SH3RF3: variants seen among roughly 807,000 people sequenced by gnomAD.
SH3RF3 encodes E3 ubiquitin-protein ligase SH3RF3.
SH3RF3 carries 29 observed loss-of-function variants against 66.3 expected under a neutral mutation model. The ratio of observed to expected loss-of-function variants is 0.44; its 90% CI spans 0.33 to 0.60. The LOEUF (loss-of-function observed/expected upper bound fraction) is 0.60. Ranked by LOEUF, SH3RF3 falls within the 20% of genes least tolerant of loss-of-function variation. The pLI, the probability that SH3RF3 is intolerant of heterozygous loss-of-function variation, is 0.04. For synonymous variants in SH3RF3, 583 were observed against 532.0 expected (o/e 1.10, Z -1.32); for missense variants, 1,194 against 1,190.9 (o/e 1.00, Z -0.04).
At chr2:109,366,309 A>G (rs1254367721) in intron 2 of SH3RF3, among the ~76,000 whole-genome samples, 1 of 152,206 alleles carries the variant, frequency 6.6e-6, no homozygotes, top group Admixed American at 6.5e-5. Context: ...CACTAAGTAA[A>G]TTACAGTAAA....
chr2:109,190,082 T>A (rs572618859), intron 1 of SH3RF3, among the ~76,000 whole-genome samples: 6 of 152,358 alleles, frequency 3.9e-5, no homozygotes, highest in African/African-American at 1.4e-4. Flanking sequence ...GCTTTAAACT[T>A]TTCCCGTGAT....
chr2:109,147,581 A>G (rs930374882), intron 1 of SH3RF3, among the ~76,000 whole-genome samples: 2 of 152,230 alleles, frequency 1.3e-5, no homozygotes, highest in African/African-American at 2.4e-5. Flanking sequence ...GGCCTAGTCA[A>G]TTATTCAGGA....
intron 2 of SH3RF3, among the ~76,000 whole-genome samples, chr2:109,352,575 C>G (rs1221026477): frequency 6.6e-6 from 1 of 152,230 alleles, no homozygotes; most frequent in African/African-American, 2.4e-5. Flanking sequence ...CTTTTTGTAT[C>G]ATGAGATAAG....
chr2:109,148,303 C>T (rs1198298592), intron 1 of SH3RF3, among the ~76,000 whole-genome samples: 7 of 152,228 alleles, frequency 4.6e-5, no homozygotes, highest in Admixed American at 3.3e-4. Flanking sequence ...GGGAATCCAC[C>T]GGGACGGTGT....
intron 5 of SH3RF3, among the ~76,000 whole-genome samples, chr2:109,421,040 A>G (rs1676863121): frequency 1.3e-5 from 2 of 152,132 alleles, no homozygotes; most frequent in African/African-American, 4.8e-5. Context: ...AAAAGATACT[A>G]CCTCCATCTC....
intron 2 of SH3RF3, among the ~76,000 whole-genome samples, chr2:109,365,051 A>AACAAACAAAC (rs1553511992): frequency 6.6e-6 from 1 of 151,484 alleles, no homozygotes; most frequent in South Asian, 2.1e-4. Context: ...ACACACATAT[A>AACAAACAAAC]AAACAAACAA....
chr2:109,204,539 A>T (rs922945681), intron 1 of SH3RF3, among the ~76,000 whole-genome samples: 1 of 152,138 alleles, frequency 6.6e-6, no homozygotes, highest in Non-Finnish European at 1.5e-5. Context: ...TTTGTGTGCA[A>T]TGTACAATGT....
chr2:109,345,164 C>T (rs983121111), intron 1 of SH3RF3, among the ~76,000 whole-genome samples: 15 of 152,198 alleles, frequency 9.9e-5, no homozygotes, highest in Non-Finnish European at 2.2e-4. Context: ...CTCAGTCTCT[C>T]TGGCTCTGCA....
intron 3 of SH3RF3, among the ~76,000 whole-genome samples, chr2:109,391,356 G>T (rs1358874452): frequency 6.6e-6 from 1 of 152,238 alleles, no homozygotes; most frequent in Non-Finnish European, 1.5e-5. Context: ...AAGAGGACAG[G>T]ATGGGAAAGG....
chr2:109,446,943 G>A (rs1054775648), intron 7 of SH3RF3, among the ~76,000 whole-genome samples: 3 of 152,008 alleles, frequency 2.0e-5, no homozygotes, highest in Non-Finnish European at 2.9e-5. Flanking sequence ...ACCCTGGACC[G>A]AGAGAAGGGG....
At chr2:109,320,007 G>A (rs2105455709) in intron 1 of SH3RF3, among the ~76,000 whole-genome samples, 1 of 152,302 alleles carries the variant, frequency 6.6e-6, no homozygotes, top group South Asian at 2.1e-4. Context: ...CTATTCTGGA[G>A]GTTCCCAGCT....
At chr2:109,269,577 T>TG (rs779151570) in intron 1 of SH3RF3, among the ~76,000 whole-genome samples, 1 of 152,162 alleles carries the variant, frequency 6.6e-6, no homozygotes, top group Non-Finnish European at 1.5e-5. Flanking sequence ...GCCCAAGAGT[T>TG]GGAGACTAGC....
Position 109,308,904 on chromosome 2 carries a change from C to T in SH3RF3, c.574-38770C>T, listed in dbSNP as rs1202509314. Among the ~76,000 whole-genome samples the T allele has an allele frequency of 7.6e-5, 6 of 79,356 alleles. 2 individuals carry two copies. Among genetic ancestry groups the T allele is most frequent in the South Asian group, 7.3e-4 (2 of 2,746 alleles). The allele number at this position is 79,356 out of a possible 152,430, so 52.1% of individuals were successfully genotyped here. A position where few individuals can be genotyped will look rare whatever the true frequency, so the allele number is the denominator to read the frequency against. On this transcript the variant is annotated intron_variant, in intron 1 of 9. Coordinates refer to ENST00000309415, the MANE Select transcript of SH3RF3 (RefSeq NM_001099289.3). ...TTGGCTTAGGATTGACTTGGTGATG[C>T]GGGCCCTTTTTTGGTTCCATGTGAA...
chr2:109,131,233 A>G (rs1676685585), intron 1 of SH3RF3, among the ~76,000 whole-genome samples: 1 of 152,138 alleles, frequency 6.6e-6, no homozygotes, highest in Non-Finnish European at 1.5e-5. Context: ...GTTAAATGCC[A>G]TACTTTGCTG....
At chr2:109,243,282 C>T (rs541422580) in intron 1 of SH3RF3, among the ~76,000 whole-genome samples, 3 of 152,360 alleles carry the variant, frequency 2.0e-5, no homozygotes, top group South Asian at 2.1e-4. Flanking sequence ...CGGCGTCAGC[C>T]GTACACCGCA....
chr2:109,133,622 C>A lies in SH3RF3; in HGVS notation c.573+3509C>A, dbSNP rs1031507689. On this transcript the variant is annotated intron_variant, in intron 1 of 9. Transcript: ENST00000309415. ...AGCGTCATTTAGATTTTAAATAGGA[C>A]CTCTCCACTAATGTTTGATGTTCTC... is the stretch of plus-strand genomic sequence containing the variant. Among the ~76,000 whole-genome samples, 8 of 152,220 alleles carry A rather than the reference C, an allele frequency of 5.3e-5. No individual in the cohort carries two copies. In the South Asian group the frequency reaches 1.7e-3, roughly 32 times the overall value.
At chr2:109,481,825 A>C (rs1429209908) in intron 8 of SH3RF3, among the ~76,000 whole-genome samples, 1 of 152,066 alleles carries the variant, frequency 6.6e-6, no homozygotes, top group Non-Finnish European at 1.5e-5. Context: ...GAGGAAGCCC[A>C]GAGGGGCAAG....
chr2:109,348,613 C>G (rs1682769140), intron 2 of SH3RF3, among the ~76,000 whole-genome samples: 1 of 152,194 alleles, frequency 6.6e-6, no homozygotes, highest in Non-Finnish European at 1.5e-5. Flanking sequence ...CCAATAAGCT[C>G]ACACTTGGTC....
intron 7 of SH3RF3, among the ~76,000 whole-genome samples, chr2:109,443,650 T>G (rs1201218048): frequency 1.3e-5 from 2 of 152,114 alleles, no homozygotes; most frequent in African/African-American, 2.4e-5. Flanking sequence ...TTATTAGAGA[T>G]AAAAAGGCAA....
Sources: gnomAD v4.1 joint callset for allele counts (sites outside exome capture counted in the v4.1 genomes callset) on GRCh38, gnomAD v4.1.1 for gene constraint, MANE v1.5 for transcripts, NCBI Gene and HGNC (gene_info 2026-07-23, HGNC 2026-07-21) for gene names.